The following MEAF6 variants were observed in gnomAD, a reference collection of about 807,000 sequenced individuals.
The protein encoded by MEAF6 is MYST/Esa1 associated factor 6.
Under a neutral mutation model 28.9 loss-of-function variants are expected in MEAF6, and 15 were observed. The ratio of observed to expected loss-of-function variants is 0.52; its 90% CI spans 0.35 to 0.80. The LOEUF (loss-of-function observed/expected upper bound fraction) is 0.80. Ranked by LOEUF, MEAF6 falls within the 30% of genes least tolerant of loss-of-function variation. MEAF6 has a pLI of 0.01. For missense variants in MEAF6, 178 were observed against 237.5 expected (o/e 0.75, Z 1.65); for synonymous variants, 97 against 88.7 (o/e 1.09, Z -0.53).
chr1:37,509,059 T>A (rs1210295939), intron 4 of MEAF6, among the ~76,000 whole-genome samples: 9 of 152,192 alleles, frequency 5.9e-5, no homozygotes, highest in Non-Finnish European at 1.2e-4. Flanking sequence ...ATCATGCCAC[T>A]GTACTCCAGC....
At position 37,492,560 on chromosome 1, in the gene MEAF6, C is replaced by CAAAAAAAAA. The variant is rs35527783; in HGVS notation, c.*1530_*1538dup. On this transcript the variant is annotated 3_prime_UTR_variant, in exon 7 of 7. Coordinates refer to ENST00000296214, the MANE Select transcript of MEAF6 (RefSeq NM_001270875.3). ...AGTCAAAGATCTAAATAGCCAGAGT[C>CAAAAAAAAA]AAAAAAAAAAAAAAAAAAAAACCCA... 2.7e-5 allele frequency: 2 copies of CAAAAAAAAA among 73,070 alleles called. No homozygotes were observed. The highest frequency in any genetic ancestry group is 5.0e-5 in the Non-Finnish European group (2 of 40,178). 4.5% of individuals were successfully genotyped at this position (73,070 alleles called of 1,614,324 possible). A position where few individuals can be genotyped will look rare whatever the true frequency, so the allele number is the denominator to read the frequency against.
At position 37,514,679 on chromosome 1, in the gene MEAF6, A is replaced by T; in HGVS notation, c.68T>A (p.Val23Glu). The T allele has an allele frequency of 6.5e-7, 1 of 1,542,392 alleles. No homozygotes were observed. Among genetic ancestry groups the T allele is most frequent in the Non-Finnish European group, 8.7e-7 (1 of 1,148,852 alleles). The stretch of plus-strand genomic sequence containing the variant: ...CACCGCCAGCTCCTGCTTCCGCTTC[A>T]CGAGCTCCGCCAGCTCCCGCCGGGT... Reference protein sequence around the residue: ...PDTRRELAELVKRKQELAETL... With the variant: ...PDTRRELAELEKRKQELAETL... The change falls in exon 1 of 7, where the codon GTG (valine) becomes GAG (glutamate). Residue 23 changes from valine to glutamate, a missense_variant. Physicochemically the swap from Val to Glu is moderately radical, Grantham distance 121 (BLOSUM62 -2). Around this residue, in one of 2 missense-constraint regions of MEAF6, gnomAD observed 54 missense variants for 37.0 expected, o/e 1.46. Coordinates refer to ENST00000296214, the MANE Select transcript of MEAF6 (RefSeq NM_001270875.3).
intron 4 of MEAF6, among the ~76,000 whole-genome samples, chr1:37,508,438 C>T (rs1032882652): frequency 6.6e-6 from 1 of 151,866 alleles, no homozygotes; most frequent in African/African-American, 2.4e-5. Flanking sequence ...GCCACCAAGC[C>T]TGGCTAATTT....
At chr1:37,512,582 C>CA (rs1467028180) in intron 2 of MEAF6, among the ~76,000 whole-genome samples, 4 of 152,134 alleles carry the variant, frequency 2.6e-5, no homozygotes, top group African/African-American at 9.7e-5. Context: ...AGCTGGCACA[C>CA]AGGTATGGCA....
In MEAF6 at chr1:37,501,816, T is replaced by G; in HGVS notation, c.521A>C (p.Lys174Thr). ...CCCTGCCACTGACCTGTGCCGGTTTTTATTCTTTCGCTTTTTATGGCTGCT... is the reference window on the plus strand; with the variant it reads ...CCCTGCCACTGACCTGTGCCGGTTTGTATTCTTTCGCTTTTTATGGCTGCT... ...HHSSHKKRKN[K>T]NRHRIDLKLN... The change falls in exon 5 of 7, where the codon AAA becomes ACA. Residue 174 changes from lysine to threonine, a missense_variant. Lys to Thr is a moderately conservative substitution (Grantham distance 78). Around this residue, in one of 2 missense-constraint regions of MEAF6, gnomAD observed 124 missense variants for 200.5 expected, o/e 0.62. Coordinates refer to ENST00000296214, the MANE Select transcript of MEAF6 (RefSeq NM_001270875.3). 1 of 1,589,598 alleles carries G rather than the reference T, an allele frequency of 6.3e-7. No homozygotes were observed. The highest frequency in any genetic ancestry group is 8.6e-7 in the Non-Finnish European group (1 of 1,162,854).
chr1:37,508,956 G>A (rs922878765), intron 4 of MEAF6, among the ~76,000 whole-genome samples: 8 of 152,280 alleles, frequency 5.3e-5, no homozygotes, highest in East Asian at 1.9e-4. Flanking sequence ...AATTAGCCAG[G>A]TGTGGTGACA....
chr1:37,512,141 G>T (rs1022588414), intron 2 of MEAF6, among the ~76,000 whole-genome samples: 1 of 152,116 alleles, frequency 6.6e-6, no homozygotes, highest in Non-Finnish European at 1.5e-5. Flanking sequence ...GATCTTTGTG[G>T]TAATGGAATA....
rs1187683942 is a variant in MEAF6 at position 37,492,340 on chromosome 1, A to C, written c.*1759T>G. 1.3e-5 allele frequency among the ~76,000 whole-genome samples: 2 copies of C among 151,988 alleles called. No individual in the cohort carries two copies. The highest frequency in any genetic ancestry group is 3.9e-4 in the East Asian group (2 of 5,178). On this transcript the variant is annotated 3_prime_UTR_variant, in exon 7 of 7. Transcript: ENST00000296214. ...ACCGCACCCAGCCCAAGAGTCAAAA[A>C]TATTTTAAGGTCTGCTGTGTGCTTT...
intron 4 of MEAF6, 36 bp from the exon 5 acceptor site, chr1:37,502,032 A>G: frequency 6.4e-7 from 1 of 1,552,632 alleles, no homozygotes; most frequent in Non-Finnish European, 8.8e-7. Context: ...CAAATGCATC[A>G]TCAGTACTCC....
rs1011168933 is a variant in MEAF6, at chr1:37,511,756, C to T, written c.206+1667G>A. On this transcript the variant is annotated intron_variant, in intron 2 of 6. Transcript: ENST00000296214. ...CTCAGAAAATCTCAGGAAACTGCAA[C>T]ATTCTACAAGGCAATGTCATGAATA... 2.6e-5 allele frequency among the ~76,000 whole-genome samples: 4 copies of T among 152,290 alleles called. No individual in the cohort carries two copies. The South Asian group carries it at 8.3e-4, about 32-fold the overall frequency.
intron 4 of MEAF6, among the ~76,000 whole-genome samples, chr1:37,507,741 G>T (rs1245396938): frequency 1.3e-5 from 2 of 151,886 alleles, no homozygotes; most frequent in Non-Finnish European, 2.9e-5. Context: ...AGCACTTTGG[G>T]AGGCCCCTAG....
intron 6 of MEAF6, among the ~76,000 whole-genome samples, chr1:37,495,250 G>A (rs1356647840): frequency 1.3e-5 from 2 of 151,804 alleles, no homozygotes; most frequent in South Asian, 2.1e-4. Flanking sequence ...AGAATCACTT[G>A]AACCTGGGAG....
Position 37,495,867 on chromosome 1 carries a change from G to C in MEAF6, c.567+18C>G. On this transcript the variant is annotated intron_variant, in intron 6 of 6. Coordinates refer to ENST00000296214, the MANE Select transcript of MEAF6 (RefSeq NM_001270875.3). ...ACAAAATTGCCAGCCTCTCTGAAGT[G>C]GTCCGGCTGATACTTACAGCTCGTG... The C allele has an allele frequency of 6.2e-7, 1 of 1,613,512 alleles. No individual in the cohort carries two copies. Among genetic ancestry groups the C allele is most frequent in the African/African-American group, 1.3e-5 (1 of 75,018 alleles).
chr1:37,491,696 C>CAATAAATA lies in MEAF6; in HGVS notation c.*2395_*2402dup, dbSNP rs57369458. Among the ~76,000 whole-genome samples, 6,092 of 142,476 alleles carry CAATAAATA rather than the reference C, an allele frequency of 0.043. 155 individuals are homozygous for CAATAAATA. Among genetic ancestry groups the CAATAAATA allele is most frequent in the Non-Finnish European group, 0.051 (3,381 of 65,744 alleles). 93.5% of individuals were successfully genotyped at this position (142,476 alleles called of 152,430 possible). A position where few individuals can be genotyped will look rare whatever the true frequency, so the allele number is the denominator to read the frequency against. Reference sequence around the variant, plus strand: ...CCTGGGTGACAGAGCAAGATCCTGTCAATAAATAAATAAATAAATAAATAA... The same window carrying CAATAAATA: ...CCTGGGTGACAGAGCAAGATCCTGTCAATAAATAAATAAATAAATAAATAAATAAATAA... On this transcript the variant is annotated 3_prime_UTR_variant, in exon 7 of 7. Transcript: ENST00000296214.
intron 4 of MEAF6, among the ~76,000 whole-genome samples, chr1:37,503,639 C>T (rs1290524427): frequency 8.7e-6 from 1 of 115,602 alleles, no homozygotes; most frequent in African/African-American, 3.4e-5. Context: ...CTAGCCTGGG[C>T]AACAGAGCAA....
intron 4 of MEAF6, 78 bp from the exon 5 acceptor site, chr1:37,502,074 A>G: frequency 8.1e-7 from 1 of 1,242,206 alleles, no homozygotes; most frequent in Non-Finnish European, 1.1e-6. Context: ...ATGAACACTA[A>G]TAGGTAGAAA....
At chr1:37,495,329 T>C (rs896461942) in intron 6 of MEAF6, among the ~76,000 whole-genome samples, 1 of 129,458 alleles carries the variant, frequency 7.7e-6, no homozygotes, top group Non-Finnish European at 1.6e-5. Context: ...AGACTCCGTC[T>C]CAAAAAATAA....
Position 37,495,893 on chromosome 1 carries a change from G to T in MEAF6, c.559C>A (p.Pro187Thr), listed in dbSNP as rs199928363. The change falls in exon 6 of 7, where the codon CCA (proline) becomes ACA (threonine). Residue 187 changes from proline (P) to threonine (T), a missense_variant. Pro to Thr is a conservative substitution (Grantham distance 38). This residue lies in a region of MEAF6 where 124 missense variants were observed against 200.5 expected (regional missense o/e 0.62). Transcript: ENST00000296214. ...HRIDLKLNKKPRADY is the reference protein window; with the variant it reads ...HRIDLKLNKKTRADY ...GTCCGGCTGATACTTACAGCTCGTG[G>T]TTTTTTGTTTAACTTCAGATCAATC... 1 of 1,613,972 alleles carries T rather than the reference G, an allele frequency of 6.2e-7. No homozygotes were observed. The highest frequency in any genetic ancestry group is 2.2e-5 in the East Asian group (1 of 44,858).
intron 5 of MEAF6, among the ~76,000 whole-genome samples, chr1:37,499,437 CA>C (rs1642225738): frequency 6.6e-6 from 1 of 152,196 alleles, no homozygotes; most frequent in South Asian, 2.1e-4. Context: ...TATCAGTCAG[CA>C]GTAGTAAGGG....
Sources: allele counts gnomAD v4.1 joint callset (sites outside exome capture counted in the v4.1 genomes callset), GRCh38; gene constraint gnomAD v4.1.1; regional missense constraint gnomAD v4.1.1; transcripts MANE v1.5; gene names NCBI Gene and HGNC (gene_info 2026-07-23, HGNC 2026-07-21).